Variants in STK39 observed in about 807,000 individuals in gnomAD.
STK39 encodes the protein serine/threonine kinase 39.
A neutral mutation model predicts 77.8 loss-of-function variants in STK39; 20 were observed. The observed-to-expected ratio is 0.26, with a 90% CI of 0.18 to 0.37. The LOEUF is 0.37. Among genes scored for constraint, STK39 ranks in the 10% least tolerant of loss-of-function variants. STK39 has a pLI of 1.00. For synonymous variants in STK39, 246 were observed against 234.1 expected, an observed-to-expected ratio of 1.05 and a Z score of -0.47; for missense variants, 479 against 656.5, an observed-to-expected ratio of 0.73 and a Z score of 2.95.
chr2:167,992,477 T>C (rs1318124593), intron 16 of STK39, among the ~76,000 whole-genome samples: 1 of 152,174 alleles, frequency 6.6e-6, no homozygotes. Context: ...TATTGACTAA[T>C]GTGGTTCAGA....
At chr2:168,019,036 A>G (rs1684505132) in intron 14 of STK39, among the ~76,000 whole-genome samples, 1 of 151,304 alleles carries the variant, frequency 6.6e-6, no homozygotes, top group Non-Finnish European at 1.5e-5. Context: ...AGAGCCTTGG[A>G]CCTTGAACTT....
intron 1 of STK39, among the ~76,000 whole-genome samples, chr2:168,195,796 C>T (rs1689454828): frequency 6.6e-6 from 1 of 152,222 alleles, no homozygotes; most frequent in Admixed American, 6.5e-5. Flanking sequence ...GTCGGTAGAT[C>T]ATCTGAGGTC....
intron 14 of STK39, 108 bp from the exon 15 acceptor site, chr2:168,017,203 A>G (rs1365414184): frequency 6.4e-6 from 4 of 621,476 alleles, no homozygotes; most frequent in Non-Finnish European, 1.0e-5. Context: ...ATAACATTTT[A>G]CAGTTTGAGG....
intron 16 of STK39, among the ~76,000 whole-genome samples, chr2:167,976,004 T>G (rs1046900291): frequency 1.3e-5 from 2 of 152,222 alleles, no homozygotes; most frequent in African/African-American, 2.4e-5. Flanking sequence ...TGCCAAATTC[T>G]GCTTCCTTTA....
chr2:168,025,584 TAAAGAC>T (rs1156500981), intron 14 of STK39, among the ~76,000 whole-genome samples: 2 of 152,172 alleles, frequency 1.3e-5, no homozygotes, highest in African/African-American at 4.8e-5. Flanking sequence ...TTGCTAAGGC[TAAAGAC>T]ATACAACAGC....
intron 2 of STK39, among the ~76,000 whole-genome samples, chr2:168,176,872 T>G (rs1013740757): frequency 1.3e-5 from 2 of 152,220 alleles, no homozygotes; most frequent in African/African-American, 4.8e-5. Flanking sequence ...TTACCATGCA[T>G]GATTTGCTAG....
intron 5 of STK39, among the ~76,000 whole-genome samples, chr2:168,160,775 G>A (rs572171300): frequency 5.7e-4 from 87 of 152,178 alleles, no homozygotes; most frequent in African/African-American, 1.7e-3. Flanking sequence ...GCCCACAGAT[G>A]TCTCTTAGCT....
intron 15 of STK39, among the ~76,000 whole-genome samples, chr2:168,013,704 C>T (rs1487839438): frequency 2.0e-5 from 3 of 152,094 alleles, no homozygotes; most frequent in Non-Finnish European, 4.4e-5. Flanking sequence ...AACGAAATTG[C>T]GGTTTGTGAC....
intron 14 of STK39, 93 bp downstream of exon 14, chr2:168,063,407 A>G (rs1685711618): frequency 7.8e-6 from 9 of 1,156,214 alleles, no homozygotes; most frequent in Middle Eastern, 2.1e-4. Flanking sequence ...TAACGATTCT[A>G]TTTTATGCTA....
At chr2:168,023,891 G>T (rs761446111) in intron 14 of STK39, among the ~76,000 whole-genome samples, 1 of 152,056 alleles carries the variant, frequency 6.6e-6, no homozygotes, top group Non-Finnish European at 1.5e-5. Context: ...GCAGCTGCTC[G>T]CTCCTAAGCA....
At position 168,140,481 on chromosome 2, in the gene STK39, G is replaced by C. The variant is rs1687952201; in HGVS notation, c.739-91C>G. On this transcript the variant is annotated intron_variant, in intron 6 of 17. Coordinates refer to ENST00000355999, the MANE Select transcript of STK39 (RefSeq NM_013233.3). ...GTCATGTCAGAAATCCACAGCTGTT[G>C]ATGTATAACTTTCACGTTAGTTTGC... is the stretch of plus-strand genomic sequence containing the variant. 9 of 1,265,340 alleles carry C rather than the reference G, an allele frequency of 7.1e-6. 1 individual carries two copies. The East Asian group carries it at 2.1e-4, about 30-fold the overall frequency. The allele number at this position is 1,265,340 out of a possible 1,614,324, so 78.4% of individuals were successfully genotyped here. A position where few individuals can be genotyped will look rare whatever the true frequency, so the allele number is the denominator to read the frequency against.
At chr2:168,017,332 A>T (rs80039116) in intron 14 of STK39, among the ~76,000 whole-genome samples, 5,779 of 151,910 alleles carry the variant, frequency 0.038, 242 homozygotes, top group East Asian at 0.2. Flanking sequence ...AATTCCAAAA[A>T]CAAAATGTTC....
At chr2:168,229,288 G>A (rs989794793) in intron 1 of STK39, among the ~76,000 whole-genome samples, 11 of 151,872 alleles carry the variant, frequency 7.2e-5, no homozygotes, top group Non-Finnish European at 1.5e-4. Context: ...CAGAGGCTGA[G>A]GCAGGAGAAC....
At position 168,161,082 on chromosome 2, in the gene STK39, C is replaced by CA. The variant is rs571561829; in HGVS notation, c.628+704dup. Among the ~76,000 whole-genome samples, 10 of 152,080 alleles carry CA rather than the reference C, an allele frequency of 6.6e-5. No individual in the cohort carries two copies. The East Asian group carries it at 1.9e-3, about 29-fold the overall frequency. ...CCAGTAGAGGGAATGACTGTCTAGC[C>CA]AAAAAATGCCAAGAACACTCCCCCA... On this transcript the variant is annotated intron_variant, in intron 5 of 17. Transcript: ENST00000355999.
At chr2:168,074,436 T>A (rs1407532815) in intron 12 of STK39, among the ~76,000 whole-genome samples, 3 of 152,198 alleles carry the variant, frequency 2.0e-5, no homozygotes, top group Admixed American at 6.5e-5. Context: ...GATCTCTTAA[T>A]CAAAAGATGA....
At chr2:168,145,496 GGAT>G (rs1688112456) in intron 5 of STK39, among the ~76,000 whole-genome samples, 2 of 152,050 alleles carry the variant, frequency 1.3e-5, no homozygotes, top group East Asian at 3.9e-4. Context: ...CAGGATTGCT[GGAT>G]ATCCCAGTTT....
intron 16 of STK39, among the ~76,000 whole-genome samples, chr2:167,996,575 A>G (rs1683845170): frequency 6.6e-6 from 1 of 152,074 alleles, no homozygotes. Context: ...TTAGAACATC[A>G]CCTAATTCGG....
chr2:168,051,448 G>T (rs778408408), intron 14 of STK39, among the ~76,000 whole-genome samples: 3 of 152,102 alleles, frequency 2.0e-5, no homozygotes, highest in Non-Finnish European at 2.9e-5. Flanking sequence ...TTCTCTTCAC[G>T]CCTATCTGTG....
intron 14 of STK39, among the ~76,000 whole-genome samples, chr2:168,022,999 C>G (rs1277057815): frequency 6.6e-6 from 1 of 152,166 alleles, no homozygotes; most frequent in Non-Finnish European, 1.5e-5. Flanking sequence ...ACTGCAGCCT[C>G]GAACTCTCGG....
Sources: gnomAD v4.1 joint callset for allele counts (sites outside exome capture counted in the v4.1 genomes callset) on GRCh38, gnomAD v4.1.1 for gene constraint, MANE v1.5 for transcripts, NCBI Gene and HGNC (gene_info 2026-07-23, HGNC 2026-07-21) for gene names.